The following ATP10B variants were observed in gnomAD, a reference collection of about 807,000 sequenced individuals.
The protein encoded by ATP10B is ATPase phospholipid transporting 10B (putative).
Under a neutral mutation model 141.2 loss-of-function variants are expected in ATP10B, and 122 were observed. That is an observed-to-expected ratio of 0.86 (90% CI 0.75 to 1.00). The LOEUF (loss-of-function observed/expected upper bound fraction) is 1.00. Among genes scored for constraint, ATP10B ranks in the 50% least tolerant of loss-of-function variants. ATP10B has a pLI of 0.00. For synonymous variants in ATP10B, 685 were observed against 692.0 expected (o/e 0.99, Z 0.16); for missense variants, 1,876 against 1,825.3 (o/e 1.03, Z -0.51).
intron 22 of ATP10B, among the ~76,000 whole-genome samples, chr5:160,591,574 G>A (rs187856281): frequency 6.6e-6 from 1 of 152,222 alleles, no homozygotes; most frequent in Admixed American, 6.5e-5. Flanking sequence ...AGTGGCATCT[G>A]AGAGATCTCA....
At chr5:160,703,007 T>A (rs1011149850) in intron 3 of ATP10B, among the ~76,000 whole-genome samples, 1 of 152,220 alleles carries the variant, frequency 6.6e-6, no homozygotes, top group African/African-American at 2.4e-5. Context: ...GAATATATAC[T>A]GGAACTGAAA....
chr5:160,702,937 C>T (rs1479748161), intron 3 of ATP10B, among the ~76,000 whole-genome samples: 3 of 152,128 alleles, frequency 2.0e-5, no homozygotes, highest in Non-Finnish European at 4.4e-5. Context: ...TTTATTCTTA[C>T]CTAACCCTTT....
chr5:160,853,858 T>C (rs1483131641), upstream of ATP10B, among the ~76,000 whole-genome samples: 1 of 152,214 alleles, frequency 6.6e-6, no homozygotes, highest in Non-Finnish European at 1.5e-5. Flanking sequence ...AATTTTGTAA[T>C]AAATCATATT....
the ATP10B span, among the ~76,000 whole-genome samples, chr5:160,920,129 A>G: frequency 6.6e-6 from 1 of 152,178 alleles, no homozygotes; most frequent in Non-Finnish European, 1.5e-5. Flanking sequence ...TGGCAATGGC[A>G]GGGAGAGTGG....
intron 22 of ATP10B, among the ~76,000 whole-genome samples, chr5:160,597,464 C>G (rs1404684290): frequency 6.6e-6 from 1 of 152,176 alleles, no homozygotes; most frequent in Non-Finnish European, 1.5e-5. Context: ...CTAGGCATTA[C>G]CATTCAGGAC....
chr5:160,784,504 C>A (rs569610824), intron 2 of ATP10B, among the ~76,000 whole-genome samples: 9 of 152,146 alleles, frequency 5.9e-5, no homozygotes, highest in Non-Finnish European at 1.3e-4. Context: ...ATTAGAAAGT[C>A]AAATTAGCAA....
chr5:160,715,313 C>T (rs575437899), intron 3 of ATP10B, among the ~76,000 whole-genome samples: 5 of 130,992 alleles, frequency 3.8e-5, no homozygotes, highest in African/African-American at 5.8e-5. Context: ...GATATAGTCT[C>T]GTGGTGCGCC....
intron 3 of ATP10B, among the ~76,000 whole-genome samples, chr5:160,711,748 T>G (rs1561779486): frequency 1.6e-5 from 1 of 61,144 alleles, no homozygotes; most frequent in Non-Finnish European, 3.4e-5. Flanking sequence ...TGGCTGTGGG[T>G]TTGTCATAGA....
chr5:160,603,469 A>G lies in ATP10B; in HGVS notation c.3237+496T>C, dbSNP rs554632960. 5.2e-4 allele frequency among the ~76,000 whole-genome samples: 79 copies of G among 152,314 alleles called. 1 individual carries two copies. In the South Asian group the frequency reaches 0.016, roughly 30 times the overall value. On this transcript the variant is annotated intron_variant, in intron 20 of 25. Transcript: ENST00000327245. ...GCAATTTTTTTAAAGCTCATCAGCTATAGTTAGTGTGTTCTATGTGTAGCC... is the reference window on the plus strand; with the variant it reads ...GCAATTTTTTTAAAGCTCATCAGCTGTAGTTAGTGTGTTCTATGTGTAGCC...
In ATP10B at chr5:160,571,442, A is replaced by G. The variant is rs1754870396; in HGVS notation, c.3751-1759T>C. 2.6e-5 allele frequency among the ~76,000 whole-genome samples: 4 copies of G among 152,212 alleles called. No homozygotes were observed. The South Asian group carries it at 8.3e-4, about 32-fold the overall frequency. ...ATATAGTTTACCAATCCCTGCAGATATTTTAAAGCTTATTCTTTGTTTCTT... is the reference window on the plus strand; with the variant it reads ...ATATAGTTTACCAATCCCTGCAGATGTTTTAAAGCTTATTCTTTGTTTCTT... On this transcript the variant is annotated intron_variant, in intron 24 of 25. Coordinates refer to ENST00000327245, the MANE Select transcript of ATP10B (RefSeq NM_025153.3).
At chr5:160,879,387 G>A in the ATP10B span, among the ~76,000 whole-genome samples, 5 of 110,754 alleles carry the variant, frequency 4.5e-5, no homozygotes, top group Non-Finnish European at 7.3e-5. Context: ...GGACTGTGGT[G>A]GGGTGGGGGG....
At chr5:160,621,870 T>C (rs1758366925) in intron 14 of ATP10B, among the ~76,000 whole-genome samples, 2 of 152,216 alleles carry the variant, frequency 1.3e-5, no homozygotes, top group Non-Finnish European at 2.9e-5. Context: ...CACAGTATTA[T>C]TTTTAACCCG....
At chr5:160,697,590 T>C (rs1400637618) in intron 3 of ATP10B, among the ~76,000 whole-genome samples, 1 of 144,418 alleles carries the variant, frequency 6.9e-6, no homozygotes, top group East Asian at 2.0e-4. Context: ...TAAGAAGAAA[T>C]GTATGCAGGG....
the ATP10B span, among the ~76,000 whole-genome samples, chr5:160,900,513 AAT>A: frequency 6.6e-6 from 1 of 152,072 alleles, no homozygotes; most frequent in East Asian, 1.9e-4. Context: ...TTAACTTCTA[AAT>A]ATACCTCCTT....
intron 22 of ATP10B, among the ~76,000 whole-genome samples, chr5:160,593,545 G>A (rs1354173182): frequency 1.3e-5 from 2 of 152,218 alleles, no homozygotes; most frequent in Non-Finnish European, 2.9e-5. Flanking sequence ...TTCCTCACCA[G>A]CAATGGAACA....
At chr5:160,907,706 C>T in the ATP10B span, among the ~76,000 whole-genome samples, 5 of 152,296 alleles carry the variant, frequency 3.3e-5, no homozygotes, top group East Asian at 7.7e-4. Context: ...AACTTAAGTC[C>T]ATTGCAAAGT....
At chr5:160,788,710 A>G (rs538211360) in intron 1 of ATP10B, among the ~76,000 whole-genome samples, 93 of 152,144 alleles carry the variant, frequency 6.1e-4, no homozygotes, top group South Asian at 2.9e-3. Context: ...CTCCTTTATC[A>G]CCATCCAACC....
At chr5:160,579,181 C>A (rs1346658139) in intron 24 of ATP10B, among the ~76,000 whole-genome samples, 2 of 152,088 alleles carry the variant, frequency 1.3e-5, no homozygotes, top group Non-Finnish European at 2.9e-5. Flanking sequence ...TAATTAGATC[C>A]CATTTTCAAT....
intron 8 of ATP10B, among the ~76,000 whole-genome samples, chr5:160,648,191 C>T (rs1357153295): frequency 1.3e-5 from 2 of 152,218 alleles, no homozygotes; most frequent in African/African-American, 2.4e-5. Flanking sequence ...TTACACATGA[C>T]AATGTTCTCT....
Sources: allele counts gnomAD v4.1 joint callset (sites outside exome capture counted in the v4.1 genomes callset), GRCh38; gene constraint gnomAD v4.1.1; transcripts MANE v1.5; gene names NCBI Gene and HGNC (gene_info 2026-07-23, HGNC 2026-07-21).